The following ATP6V1C2 variants were observed in gnomAD, a reference collection of about 807,000 sequenced individuals.
The protein encoded by ATP6V1C2 is ATPase H+ transporting V1 subunit C2, also known as V-type proton ATPase subunit C 2.
In ATP6V1C2, 45 loss-of-function variants were observed where a neutral mutation model predicts 56.8. That is an observed-to-expected ratio of 0.79 (90% CI 0.62 to 1.02). The LOEUF (loss-of-function observed/expected upper bound fraction) is 1.02, where lower values mean the gene tolerates loss of function less well. Ranked by LOEUF, ATP6V1C2 falls within the 50% of genes least tolerant of loss-of-function variation. The pLI is 0.00. For synonymous variants in ATP6V1C2, 220 were observed against 201.3 expected, an observed-to-expected ratio of 1.09 and a Z score of -0.79; for missense variants, 463 against 519.7, an observed-to-expected ratio of 0.89 and a Z score of 1.06.
intron 4 of ATP6V1C2, among the ~76,000 whole-genome samples, chr2:10,762,006 T>C (rs1160460521): frequency 6.6e-6 from 1 of 152,270 alleles, no homozygotes; most frequent in Non-Finnish European, 1.5e-5. Context: ...GCCGTGGCCC[T>C]GCCTGGGCCC....
At chr2:10,778,773 G>T in intron 12 of ATP6V1C2, 104 bp downstream of exon 12, 1 of 1,092,880 alleles carries the variant, frequency 9.2e-7, no homozygotes, top group South Asian at 1.3e-5. Flanking sequence ...TCCTCCACCC[G>T]TCTCCTTTCT....
Position 10,763,242 on chromosome 2 carries a change from C to T in ATP6V1C2, c.284-1089C>T, listed in dbSNP as rs1664027551. Reference sequence around the variant, plus strand: ...CTCCTCACCTGACACCCGGCGCCCTCCATCACCGGCCACACGGCCACCTCC... The same window carrying T: ...CTCCTCACCTGACACCCGGCGCCCTTCATCACCGGCCACACGGCCACCTCC... On this transcript the variant is annotated intron_variant, in intron 4 of 13. Transcript: ENST00000272238. The surrounding 1 kb of genome is among the most constrained non-coding windows in gnomAD (Gnocchi z 4.2). Among the ~76,000 whole-genome samples, 2 of 152,142 alleles carry T rather than the reference C, an allele frequency of 1.3e-5. No individual in the cohort carries two copies. Among genetic ancestry groups the T allele is most frequent in the Admixed American group, 1.3e-4 (2 of 15,278 alleles).
At position 10,762,239 on chromosome 2, in the gene ATP6V1C2, G is replaced by A. The variant is rs969075711; in HGVS notation, c.284-2092G>A. Reference sequence around the variant, plus strand: ...TGGCTCACTGCAACCTCTGCCCCCTGGGTTCAAGCGATTCTTCTGCCTCAG... The same window carrying A: ...TGGCTCACTGCAACCTCTGCCCCCTAGGTTCAAGCGATTCTTCTGCCTCAG... On this transcript the variant is annotated intron_variant, in intron 4 of 13. Coordinates refer to ENST00000272238, the MANE Select transcript of ATP6V1C2 (RefSeq NM_001039362.2). 2.0e-5 allele frequency among the ~76,000 whole-genome samples: 3 copies of A among 150,604 alleles called. No individual in the cohort carries two copies. The East Asian group carries it at 5.8e-4, about 29-fold the overall frequency.
intron 3 of ATP6V1C2, among the ~76,000 whole-genome samples, chr2:10,739,580 G>A (rs971345447): frequency 3.3e-5 from 5 of 151,858 alleles, no homozygotes; most frequent in Non-Finnish European, 5.9e-5. Flanking sequence ...TTATCGACCC[G>A]ATCCCAGAAG....
intron 3 of ATP6V1C2, among the ~76,000 whole-genome samples, chr2:10,733,812 A>G (rs9677591): frequency 1.6e-3 from 232 of 147,064 alleles, no homozygotes; most frequent in African/African-American, 5.1e-3. Context: ...GCTTGCCCCT[A>G]AGTGCTTCCC....
chr2:10,757,301 C>A, intron 4 of ATP6V1C2: 1 of 387,352 alleles, frequency 2.6e-6, no homozygotes, highest in Non-Finnish European at 4.6e-6. Flanking sequence ...GCGTGAGCCA[C>A]CGCGCCCGGC....
At chr2:10,731,151 A>G (rs539306017) in intron 3 of ATP6V1C2, among the ~76,000 whole-genome samples, 11 of 151,686 alleles carry the variant, frequency 7.3e-5, no homozygotes, top group African/African-American at 1.9e-4. Flanking sequence ...GTCTTACTAT[A>G]TCTCCCAGGC....
intron 3 of ATP6V1C2, among the ~76,000 whole-genome samples, chr2:10,735,805 C>T (rs1318992019): frequency 6.6e-6 from 1 of 151,490 alleles, no homozygotes; most frequent in Admixed American, 6.6e-5. Flanking sequence ...CCAGGCTGGT[C>T]TCAAACTCCT....
chr2:10,748,807 G>T (rs1285072461), intron 3 of ATP6V1C2, among the ~76,000 whole-genome samples: 2 of 152,012 alleles, frequency 1.3e-5, no homozygotes, highest in African/African-American at 4.8e-5. Context: ...AAATGGGAAT[G>T]TCACTTAGCT....
chr2:10,734,320 C>T (rs1288286041), intron 3 of ATP6V1C2, among the ~76,000 whole-genome samples: 1 of 152,192 alleles, frequency 6.6e-6, no homozygotes, highest in East Asian at 1.9e-4. Context: ...CCTCTACCAT[C>T]ACACTCACAG....
chr2:10,731,077 A>G (rs1661924852), intron 3 of ATP6V1C2, among the ~76,000 whole-genome samples: 1 of 151,904 alleles, frequency 6.6e-6, no homozygotes, highest in Admixed American at 6.6e-5. Context: ...TCAGCCTCTC[A>G]AGTAGCTGGG....
At chr2:10,779,005 G>A (rs369757567) in intron 12 of ATP6V1C2, among the ~76,000 whole-genome samples, 7 of 152,194 alleles carry the variant, frequency 4.6e-5, no homozygotes, top group East Asian at 3.9e-4. Flanking sequence ...CCTGGAAGGC[G>A]CTCTCGGGCT....
Position 10,757,003 on chromosome 2 carries a change from CTTTTTTT to C in ATP6V1C2, c.283+2960_283+2966del, listed in dbSNP as rs57191070. Among the ~76,000 whole-genome samples the C allele has an allele frequency of 9.9e-3, 809 of 81,594 alleles. 19 individuals carry two copies. The highest frequency in any genetic ancestry group is 0.027 in the Admixed American group (198 of 7,252). 53.5% of individuals were successfully genotyped at this position (81,594 alleles called of 152,430 possible). A position where few individuals can be genotyped will look rare whatever the true frequency, so the allele number is the denominator to read the frequency against. ...TTTCCCTCTTGAAAACATGAGGAGA[CTTTTTTT>C]TTTTTTTTTTTTTTTTTTTTTTGAG... On this transcript the variant is annotated intron_variant, in intron 4 of 13. Coordinates refer to ENST00000272238, the MANE Select transcript of ATP6V1C2 (RefSeq NM_001039362.2).
rs757222626 is a variant in ATP6V1C2 at position 10,774,775 on chromosome 2, T to C, written c.639-13T>C. On this transcript the variant is annotated splice_polypyrimidine_tract_variant and intron_variant, in intron 8 of 13. Transcript: ENST00000272238. ...AGCAGTGAGTCCAGCCAACAGATGCTTCTCTCCAACAGACTCATTACTGAG... is the reference window on the plus strand; with the variant it reads ...AGCAGTGAGTCCAGCCAACAGATGCCTCTCTCCAACAGACTCATTACTGAG... 2.5e-6 allele frequency: 4 copies of C among 1,611,888 alleles called. No individual in the cohort carries two copies. The highest frequency in any genetic ancestry group is 2.7e-5 in the African/African-American group (2 of 74,884).
intron 3 of ATP6V1C2, among the ~76,000 whole-genome samples, chr2:10,728,905 G>A (rs868291583): frequency 2.0e-5 from 3 of 149,750 alleles, no homozygotes; most frequent in South Asian, 2.1e-4. Context: ...TCGGGAGGCC[G>A]AGGCAGGTGG....
At chr2:10,725,851 A>G (rs1216016772) in intron 2 of ATP6V1C2, among the ~76,000 whole-genome samples, 1 of 151,732 alleles carries the variant, frequency 6.6e-6, no homozygotes, top group African/African-American at 2.4e-5. Flanking sequence ...AGGCCAAGGC[A>G]GGCAGATCAC....
intron 3 of ATP6V1C2, among the ~76,000 whole-genome samples, chr2:10,748,936 C>T (rs1325895204): frequency 6.6e-6 from 1 of 151,808 alleles, no homozygotes; most frequent in Non-Finnish European, 1.5e-5. Context: ...CAAGACCAGC[C>T]TGGCCAACAT....
chr2:10,754,118 A>T (rs1663380971), intron 4 of ATP6V1C2, 52 bp downstream of exon 4: 1 of 1,487,396 alleles, frequency 6.7e-7, no homozygotes, highest in Admixed American at 1.9e-5. Flanking sequence ...CTCCCTCTAG[A>T]CCAGAGTCGT....
chr2:10,729,559 A>G (rs750129860), intron 3 of ATP6V1C2, among the ~76,000 whole-genome samples: 18 of 152,192 alleles, frequency 1.2e-4, no homozygotes, highest in Non-Finnish European at 1.0e-4. Context: ...TAACGTAGTA[A>G]TAGAAGTAAG....
Sources: gnomAD v4.1 joint callset for allele counts (sites outside exome capture counted in the v4.1 genomes callset) on GRCh38, gnomAD v4.1.1 for gene constraint, Gnocchi (gnomAD v3.1) non-coding constraint, MANE v1.5 for transcripts, NCBI Gene and HGNC (gene_info 2026-07-23, HGNC 2026-07-21) for gene names.